Variants in ACTR3C observed in about 807,000 individuals in gnomAD.
ACTR3C encodes actin-related protein 3C.
Under a neutral mutation model 26.3 loss-of-function variants are expected in ACTR3C, and 18 were observed. The observed-to-expected ratio is 0.68, with a 90% CI of 0.47 to 1.01. The LOEUF is 1.01. Ranked by LOEUF, ACTR3C falls within the 50% of genes least tolerant of loss-of-function variation. The probability of loss-of-function intolerance (pLI) is 0.00; values close to 1 mark genes in which losing one functional copy is unlikely to be tolerated. For synonymous variants in ACTR3C, 55 were observed against 94.5 expected (o/e 0.58, Z 2.42); for missense variants, 184 against 250.7 (o/e 0.73, Z 1.80).
chr7:150,311,079 A>G (rs1006334687), intron 1 of ACTR3C, among the ~76,000 whole-genome samples: 1 of 152,148 alleles, frequency 6.6e-6, no homozygotes, highest in Admixed American at 6.6e-5. Context: ...CTGGGTACCA[A>G]ACTTTGTCAT....
At chr7:149,926,642 G>C in the ACTR3C span, among the ~76,000 whole-genome samples, 8 of 152,012 alleles carry the variant, frequency 5.3e-5, no homozygotes. Flanking sequence ...GTGAGGACTC[G>C]GGAAGCTTGC....
intron 1 of ACTR3C, among the ~76,000 whole-genome samples, chr7:150,310,986 G>A (rs749081897): frequency 3.2e-4 from 48 of 152,084 alleles, no homozygotes; most frequent in Non-Finnish European, 1.0e-4. Context: ...TGCAGACCGT[G>A]TTCAGTTAAT....
the ACTR3C span, among the ~76,000 whole-genome samples, chr7:149,886,781 C>T: frequency 2.0e-5 from 3 of 152,028 alleles, no homozygotes; most frequent in Non-Finnish European, 4.4e-5. Context: ...CATAGTGAAA[C>T]CCTGTCTCCA....
At chr7:150,154,940 G>C in the ACTR3C span, among the ~76,000 whole-genome samples, 2 of 152,142 alleles carry the variant, frequency 1.3e-5, no homozygotes, top group African/African-American at 4.8e-5. Flanking sequence ...TGTGGAAATA[G>C]GTATCATGTT....
At chr7:149,985,849 A>G in the ACTR3C span, among the ~76,000 whole-genome samples, 2 of 152,108 alleles carry the variant, frequency 1.3e-5, no homozygotes, top group African/African-American at 2.4e-5. Flanking sequence ...GAACCTCCCT[A>G]TGTCCCACAG....
chr7:150,116,477 T>G, the ACTR3C span, among the ~76,000 whole-genome samples: 2 of 152,220 alleles, frequency 1.3e-5, no homozygotes, highest in Admixed American at 1.3e-4. Context: ...CTTTAGGCCC[T>G]CCTGTGAAAT....
chr7:150,051,963 T>C, the ACTR3C span, among the ~76,000 whole-genome samples: 1 of 152,260 alleles, frequency 6.6e-6, no homozygotes, highest in Non-Finnish European at 1.5e-5. Context: ...GTAGTTGACT[T>C]CCCTTTTCTC....
the ACTR3C span, among the ~76,000 whole-genome samples, chr7:149,923,614 A>G: frequency 2.1e-4 from 32 of 152,216 alleles, no homozygotes; most frequent in Middle Eastern, 3.2e-3. Flanking sequence ...CAGAACCCAC[A>G]GAAAATGCAA....
At chr7:150,138,333 G>A in the ACTR3C span, among the ~76,000 whole-genome samples, 111 of 152,330 alleles carry the variant, frequency 7.3e-4, 1 homozygote, top group African/African-American at 2.2e-3. Context: ...CCACAGGAAC[G>A]AAGGAGGAAG....
the ACTR3C span, among the ~76,000 whole-genome samples, chr7:149,922,077 C>G: frequency 7.0e-6 from 1 of 143,286 alleles, no homozygotes; most frequent in Non-Finnish European, 1.6e-5. Flanking sequence ...CAACTCTTCG[C>G]CATGCTTACA....
chr7:149,983,449 G>GTGTATATATATATATATATATATA, the ACTR3C span, among the ~76,000 whole-genome samples: 16 of 23,324 alleles, frequency 6.9e-4, no homozygotes, highest in East Asian at 2.7e-3. Flanking sequence ...GTGTGTGTGT[G>GTGTATATATATATATATATATATA]TATATATATA....
the ACTR3C span, among the ~76,000 whole-genome samples, chr7:150,064,337 C>T: frequency 1.4e-5 from 2 of 147,368 alleles, no homozygotes; most frequent in Non-Finnish European, 3.0e-5. Context: ...GGCGGATCAC[C>T]TGAAGTCAGG....
chr7:149,907,916 C>T, the ACTR3C span, among the ~76,000 whole-genome samples: 1 of 152,098 alleles, frequency 6.6e-6, no homozygotes, highest in South Asian at 2.1e-4. Flanking sequence ...AAGACTGATT[C>T]ATCCTACAGA....
At chr7:150,180,246 A>G in the ACTR3C span, among the ~76,000 whole-genome samples, 2 of 149,916 alleles carry the variant, frequency 1.3e-5, no homozygotes, top group African/African-American at 5.1e-5. Flanking sequence ...CGGAGCTTGC[A>G]GTGAGCCGAG....
chr7:150,177,899 T>C, the ACTR3C span, among the ~76,000 whole-genome samples: 2 of 150,960 alleles, frequency 1.3e-5, no homozygotes, highest in Non-Finnish European at 2.9e-5. Context: ...GACAATTACA[T>C]TGATTCTTGA....
chr7:149,900,758 C>T, the ACTR3C span, among the ~76,000 whole-genome samples: 1 of 152,036 alleles, frequency 6.6e-6, no homozygotes, highest in Non-Finnish European at 1.5e-5. Context: ...AAATGGGGGG[C>T]CAGGCACAGT....
the ACTR3C span, among the ~76,000 whole-genome samples, chr7:150,161,262 C>G: frequency 1.5e-5 from 2 of 129,700 alleles, no homozygotes; most frequent in African/African-American, 6.3e-5. Flanking sequence ...ATGTGCACAA[C>G]ATGCAGGTTT....
At chr7:150,296,338 T>A (rs1348685469) in intron 1 of ACTR3C, among the ~76,000 whole-genome samples, 1 of 146,068 alleles carries the variant, frequency 6.8e-6, no homozygotes, top group African/African-American at 2.7e-5. Flanking sequence ...CAGAGCAAGA[T>A]CCTGTCTCCA....
the ACTR3C span, among the ~76,000 whole-genome samples, chr7:149,886,060 G>T: frequency 6.6e-6 from 1 of 152,076 alleles, no homozygotes; most frequent in Non-Finnish European, 1.5e-5. Context: ...CATATGAACT[G>T]AGATAATGGA....
Sources: gnomAD v4.1 joint callset for allele counts (sites outside exome capture counted in the v4.1 genomes callset) on GRCh38, gnomAD v4.1.1 for gene constraint, MANE v1.5 for transcripts, NCBI Gene and HGNC (gene_info 2026-07-23, HGNC 2026-07-21) for gene names.